The following MFN1 variants were observed in gnomAD, a reference collection of about 807,000 sequenced individuals.
The protein encoded by MFN1 is mitofusin 1.
A neutral mutation model predicts 92.4 loss-of-function variants in MFN1; 65 were observed. The observed-to-expected ratio is 0.70, with a 90% CI of 0.58 to 0.86. The LOEUF (loss-of-function observed/expected upper bound fraction) is 0.86. Among genes scored for constraint, MFN1 ranks in the 40% least tolerant of loss-of-function variants. The pLI is 0.00. For missense variants in MFN1, 781 were observed against 868.0 expected, an observed-to-expected ratio of 0.90 and a Z score of 1.26; for synonymous variants, 297 against 300.9, an observed-to-expected ratio of 0.99 and a Z score of 0.13.
At chr3:179,349,085 A>G (rs1195604876) in intron 2 of MFN1, 122 bp downstream of exon 2, 4 of 680,362 alleles carry the variant, frequency 5.9e-6, no homozygotes, top group Non-Finnish European at 6.7e-6. Flanking sequence ...GAGAAGTACC[A>G]TAATGAATAA....
chr3:179,384,246 G>A lies in MFN1; in HGVS notation c.1663-1323G>A, dbSNP rs560091285. ...CAGTTGATGGACATTAGGGTAGTTT[G>A]TAGTTTTTGGCCATTATGAATACTG... On this transcript the variant is annotated intron_variant, in intron 14 of 17. Transcript: ENST00000471841. Among the ~76,000 whole-genome samples, 50 of 152,284 alleles carry A rather than the reference G, an allele frequency of 3.3e-4. No individual in the cohort carries two copies. In the South Asian group the frequency reaches 5.2e-3, roughly 16 times the overall value.
intron 16 of MFN1, 70 bp downstream of exon 16, chr3:179,386,699 C>A: frequency 7.4e-7 from 1 of 1,357,050 alleles, no homozygotes; most frequent in Non-Finnish European, 1.0e-6. Context: ...AGAAAAAGCA[C>A]AAAATAAGTG....
At chr3:179,369,888 CT>C (rs1168162972) in intron 9 of MFN1, among the ~76,000 whole-genome samples, 6 of 152,112 alleles carry the variant, frequency 3.9e-5, no homozygotes, top group Non-Finnish European at 7.4e-5. Flanking sequence ...GAAAAAATTG[CT>C]TATGAGCAGT....
At chr3:179,352,527 A>G (rs1033661844) in intron 3 of MFN1, among the ~76,000 whole-genome samples, 1 of 152,228 alleles carries the variant, frequency 6.6e-6, no homozygotes, top group African/African-American at 2.4e-5. Flanking sequence ...CTTAATTCAG[A>G]TAAAATGTTT....
intron 14 of MFN1, among the ~76,000 whole-genome samples, chr3:179,382,376 C>T (rs952557642): frequency 2.0e-5 from 3 of 152,142 alleles, no homozygotes; most frequent in Non-Finnish European, 4.4e-5. Flanking sequence ...CCAGCTTCAT[C>T]GATGTCCCTA....
chr3:179,361,307 TTCC>T (rs1251058856), intron 4 of MFN1, among the ~76,000 whole-genome samples: 1 of 152,310 alleles, frequency 6.6e-6, no homozygotes, highest in East Asian at 1.9e-4. Context: ...TCACACTCTT[TTCC>T]TCCTCCTTAT....
chr3:179,378,947 G>A, intron 14 of MFN1, 133 bp downstream of exon 14: 2 of 727,450 alleles, frequency 2.7e-6, no homozygotes, highest in African/African-American at 1.8e-5. Flanking sequence ...CCATTTCTGA[G>A]GTAGATATTT....
rs151314625 is a variant in MFN1 at position 179,384,356 on chromosome 3, A to G, written c.1663-1213A>G. 3.9e-4 allele frequency among the ~76,000 whole-genome samples: 59 copies of G among 152,248 alleles called. No homozygotes were observed. In the East Asian group the frequency reaches 0.011, roughly 29 times the overall value. ...TATACGTAGGTTCTAATGGGTATAG[A>G]GTAGTATTCGTTGTAGGTTTGATTT... On this transcript the variant is annotated intron_variant, in intron 14 of 17. Coordinates refer to ENST00000471841, the MANE Select transcript of MFN1 (RefSeq NM_033540.3).
chr3:179,372,119 A>T (rs1713048093), intron 9 of MFN1, among the ~76,000 whole-genome samples: 2 of 147,298 alleles, frequency 1.4e-5, no homozygotes, highest in African/African-American at 4.9e-5. Context: ...TATAAATATT[A>T]TATATATATG....
At chr3:179,350,707 G>A (rs1000601717) in intron 2 of MFN1, among the ~76,000 whole-genome samples, 39 of 152,262 alleles carry the variant, frequency 2.6e-4, no homozygotes, top group African/African-American at 8.9e-4. Flanking sequence ...CAGTCTGTCC[G>A]TTATTCACCA....
chr3:179,363,741 G>C (rs1260307041), intron 5 of MFN1, among the ~76,000 whole-genome samples: 1 of 151,822 alleles, frequency 6.6e-6, no homozygotes, highest in Non-Finnish European at 1.5e-5. Flanking sequence ...CTCCCGCCTT[G>C]GCATCCCAAA....
intron 10 of MFN1, 41 bp from the exon 11 acceptor site, chr3:179,377,001 C>T: frequency 6.2e-7 from 1 of 1,600,442 alleles, no homozygotes; most frequent in Non-Finnish European, 8.5e-7. Context: ...TTTAGGACTT[C>T]AGACTACCCT....
In MFN1 at chr3:179,364,405, G is replaced by T; in HGVS notation, c.645G>T (p.Thr215=). Residue 215 remains threonine, a splice_region_variant and synonymous_variant, in exon 6 of 18, where the codon ACG becomes ACT. Transcript: ENST00000471841. ...ACTCTGAATCAACACTAATGAATACGGTAGGATTTAATCATATTATTGTGT... is the reference window on the plus strand; with the variant it reads ...ACTCTGAATCAACACTAATGAATACTGTAGGATTTAATCATATTATTGTGT... The part of the protein sequence containing the change: ...VANSESTLMN[T]EKHFFHKVNE... 1 of 1,590,708 alleles carries T rather than the reference G, an allele frequency of 6.3e-7. No homozygotes were observed. Among genetic ancestry groups the T allele is most frequent in the Non-Finnish European group, 8.6e-7 (1 of 1,159,410 alleles).
rs1354927035 is a variant in MFN1 at position 179,367,468 on chromosome 3, G to A, written c.783G>A (p.Leu261=). The A allele has an allele frequency of 3.7e-6, 6 of 1,612,624 alleles. No homozygotes were observed. Among genetic ancestry groups the A allele is most frequent in the Non-Finnish European group, 4.2e-6 (5 of 1,179,528 alleles). The change falls in exon 8 of 18, where the codon CTG becomes CTA. Residue 261 remains leucine, a synonymous_variant. Coordinates refer to ENST00000471841, the MANE Select transcript of MFN1 (RefSeq NM_033540.3). ...DVRRQHMERC[L]HFLVEELKVV... is the part of the protein sequence containing the mutation. ...GCAGACAGCACATGGAAAGATGCCT[G>A]CATTTCTTGGTGGAGGAGCTCAAAG...
intron 2 of MFN1, among the ~76,000 whole-genome samples, chr3:179,349,952 G>A (rs774610678): frequency 1.3e-5 from 2 of 152,016 alleles, no homozygotes; most frequent in Non-Finnish European, 2.9e-5. Flanking sequence ...AGGAGTTCAA[G>A]ACCAGCCTGA....
rs142490700 is a variant in MFN1 at position 179,369,638 on chromosome 3, A to G, written c.975+1535A>G. Among the ~76,000 whole-genome samples the G allele has an allele frequency of 9.2e-5, 14 of 152,298 alleles. No homozygotes were observed. The East Asian group carries it at 2.7e-3, about 29-fold the overall frequency. ...AATTGGTTCATAAGCCTAGCTGATC[A>G]TCAGAATCACATGACGTGCTTTAGA... On this transcript the variant is annotated intron_variant, in intron 9 of 17. Transcript: ENST00000471841.
At position 179,362,567 on chromosome 3, in the gene MFN1, T is replaced by TA. The variant is rs1712625937; in HGVS notation, c.536+86dup. ...TACTTTAGCATATGGTATAAAAAAT[T>TA]ACAACATTCAGTTGCCATTTTGTTC... On this transcript the variant is annotated intron_variant, in intron 5 of 17. Coordinates refer to ENST00000471841, the MANE Select transcript of MFN1 (RefSeq NM_033540.3). 3 of 1,252,086 alleles carry TA rather than the reference T, an allele frequency of 2.4e-6. No individual in the cohort carries two copies. In the African/African-American group the frequency reaches 4.6e-5, roughly 19 times the overall value. 77.6% of individuals were successfully genotyped at this position (1,252,086 alleles called of 1,614,324 possible). A position where few individuals can be genotyped will look rare whatever the true frequency, so the allele number is the denominator to read the frequency against.
chr3:179,385,559 T>TA lies in MFN1; in HGVS notation c.1663-10_1663-9insA. The TA allele has an allele frequency of 6.4e-7, 1 of 1,570,384 alleles. No individual in the cohort carries two copies. Among genetic ancestry groups the TA allele is most frequent in the Non-Finnish European group, 8.6e-7 (1 of 1,167,302 alleles). ...TGTAATCTTTTTTCCTTTCTCTTTT[T>TA]TTTTGGCAGCTCCCTAGATCTTTAG... is the stretch of plus-strand genomic sequence containing the variant. On this transcript the variant is annotated splice_polypyrimidine_tract_variant and intron_variant, in intron 14 of 17. Coordinates refer to ENST00000471841, the MANE Select transcript of MFN1 (RefSeq NM_033540.3).
rs772783862 is a variant in MFN1, at chr3:179,375,250, A to G, written c.1006A>G (p.Lys336Glu). The change falls in exon 10 of 18, where the codon AAG becomes GAG. Residue 336 changes from lysine to glutamate, a missense_variant. Physicochemically the swap from Lys to Glu is moderately conservative, Grantham distance 56 (BLOSUM62 1). Coordinates refer to ENST00000471841, the MANE Select transcript of MFN1 (RefSeq NM_033540.3). The part of the protein sequence containing the change: ...ECISQSAVKT[K>E]FEQHTIRAKQ... ...TATCTCGCAGTCAGCAGTGAAAACAAAGTTCGAACAGCACACTATCAGAGC... is the reference window on the plus strand; with the variant it reads ...TATCTCGCAGTCAGCAGTGAAAACAGAGTTCGAACAGCACACTATCAGAGC... 2 of 1,613,896 alleles carry G rather than the reference A, an allele frequency of 1.2e-6. No individual in the cohort carries two copies. Among genetic ancestry groups the G allele is most frequent in the South Asian group, 1.1e-5 (1 of 91,058 alleles).
Sources: allele counts gnomAD v4.1 joint callset (sites outside exome capture counted in the v4.1 genomes callset), GRCh38; gene constraint gnomAD v4.1.1; transcripts MANE v1.5; gene names NCBI Gene and HGNC (gene_info 2026-07-23, HGNC 2026-07-21).